Variants in CCDC88C observed in about 807,000 individuals in gnomAD.
CCDC88C encodes the protein protein Daple.
A neutral mutation model predicts 198.8 loss-of-function variants in CCDC88C; 131 were observed. That is an observed-to-expected ratio of 0.66 (90% CI 0.57 to 0.76). The LOEUF is 0.76. Among genes scored for constraint, CCDC88C ranks in the 30% least tolerant of loss-of-function variants. The pLI, the probability that CCDC88C is intolerant of heterozygous loss-of-function variation, is 0.00. For missense variants in CCDC88C, 2,553 were observed against 2,631.6 expected (o/e 0.97, Z 0.65); for synonymous variants, 1,166 against 1,114.7 (o/e 1.05, Z -0.92).
At chr14:91,307,906 A>G (rs989433604) in intron 17 of CCDC88C, among the ~76,000 whole-genome samples, 9 of 152,206 alleles carry the variant, frequency 5.9e-5, no homozygotes, top group African/African-American at 1.7e-4. Flanking sequence ...ACACATCTAT[A>G]TGTGTATGGA....
chr14:91,273,496 G>C lies in CCDC88C; in HGVS notation c.5216C>G (p.Thr1739Ser). 1 of 1,557,012 alleles carries C rather than the reference G, an allele frequency of 6.4e-7. No homozygotes were observed. Among genetic ancestry groups the C allele is most frequent in the Non-Finnish European group, 8.7e-7 (1 of 1,150,472 alleles). ...VAPTVKMAAP[T>S]SEGRPLKPGQ... ...GGGCTTCAGCGGCCTCCCCTCCGAGGTGGGGGCGGCCATTTTGACGGTGGG... is the reference window on the plus strand; with the variant it reads ...GGGCTTCAGCGGCCTCCCCTCCGAGCTGGGGGCGGCCATTTTGACGGTGGG... Residue 1739 changes from threonine (T) to serine (S), a missense_variant, in exon 30 of 30, where the codon ACC becomes AGC. This residue lies in a region of CCDC88C where 1,293 missense variants were observed against 1,219.6 expected (regional missense o/e 1.06). Coordinates refer to ENST00000389857, the MANE Select transcript of CCDC88C (RefSeq NM_001080414.4). This position sits in a 1 kb window ranked among gnomAD's most constrained non-coding sequence, Gnocchi z 5.6.
At chr14:91,412,914 A>G (rs968577266) in intron 2 of CCDC88C, among the ~76,000 whole-genome samples, 1 of 152,196 alleles carries the variant, frequency 6.6e-6, no homozygotes, top group Admixed American at 6.5e-5. Context: ...CATCTGCAAA[A>G]GGGAAACATA....
intron 3 of CCDC88C, among the ~76,000 whole-genome samples, chr14:91,364,298 C>T (rs186956423): frequency 1.6e-3 from 238 of 152,294 alleles, no homozygotes; most frequent in African/African-American, 5.6e-3. Flanking sequence ...GCACTCCTCC[C>T]CACTTCTCCT....
At chr14:91,370,793 G>A (rs1419619899) in intron 3 of CCDC88C, among the ~76,000 whole-genome samples, 1 of 152,188 alleles carries the variant, frequency 6.6e-6, no homozygotes, top group African/African-American at 2.4e-5. Context: ...GAGGGATGCT[G>A]AGAATCTGCA....
At chr14:91,376,031 C>G (rs1219145830) in intron 3 of CCDC88C, among the ~76,000 whole-genome samples, 1 of 152,172 alleles carries the variant, frequency 6.6e-6, no homozygotes, top group Non-Finnish European at 1.5e-5. Context: ...AGGCTTGAAC[C>G]CAGTCAGCCA....
At chr14:91,415,577 G>A (rs35970076) in intron 2 of CCDC88C, among the ~76,000 whole-genome samples, 20,535 of 151,964 alleles carry the variant, frequency 0.14, 1,526 homozygotes, top group Admixed American at 0.21. Flanking sequence ...AAAATTAGCC[G>A]GGCGTGGTGG....
intron 1 of CCDC88C, chr14:91,417,164 A>C: frequency 1.4e-6 from 1 of 703,132 alleles, no homozygotes; most frequent in Non-Finnish European, 2.6e-6. Context: ...CGCCCACCCC[A>C]GTCTGTTCGC....
intron 10 of CCDC88C, among the ~76,000 whole-genome samples, chr14:91,331,413 G>C (rs1190187644): frequency 6.6e-6 from 1 of 152,228 alleles, no homozygotes; most frequent in Non-Finnish European, 1.5e-5. Context: ...GGGCAGAGGA[G>C]CTGGGGCCCT....
intron 21 of CCDC88C, among the ~76,000 whole-genome samples, chr14:91,298,876 C>A (rs935555108): frequency 6.6e-6 from 1 of 152,232 alleles, no homozygotes; most frequent in Admixed American, 6.5e-5. Flanking sequence ...GAGACAGGAC[C>A]TGGATTCCAT....
In CCDC88C at chr14:91,278,011, C is replaced by A; in HGVS notation, c.4969G>T (p.Gly1657Ter). 6.3e-7 allele frequency: 1 copy of A among 1,589,720 alleles called. No individual in the cohort carries two copies. Among genetic ancestry groups the A allele is most frequent in the East Asian group, 2.3e-5 (1 of 43,498 alleles). ...GGGGAGGCCGAGCAGGGCCGCACTCCGACGTAGGGAGGGGCTGTGCCCCTC... is the reference window on the plus strand; with the variant it reads ...GGGGAGGCCGAGCAGGGCCGCACTCAGACGTAGGGAGGGGCTGTGCCCCTC... ...QKRGTAPPYV[G>*]VRPCSASPSS... The change falls in exon 29 of 30, where the codon GGA becomes TGA. Residue 1657 changes from glycine (G) to a stop codon, truncating the protein, a stop_gained. Coordinates refer to ENST00000389857, the MANE Select transcript of CCDC88C (RefSeq NM_001080414.4). LOFTEE classifies it high-confidence loss of function.
chr14:91,347,660 C>T (rs1163836539), intron 4 of CCDC88C, among the ~76,000 whole-genome samples: 13 of 151,968 alleles, frequency 8.6e-5, no homozygotes, highest in African/African-American at 2.4e-4. Context: ...GTTAGAATGG[C>T]GATCATTAAA....
At chr14:91,312,682 C>G (rs1224991848) in intron 15 of CCDC88C, among the ~76,000 whole-genome samples, 1 of 151,680 alleles carries the variant, frequency 6.6e-6, no homozygotes, top group Non-Finnish European at 1.5e-5. Flanking sequence ...GACTCCGTCT[C>G]AAAAATAAAT....
chr14:91,339,137 G>T lies in CCDC88C; in HGVS notation c.809+141C>A. 1.0e-6 allele frequency: 1 copy of T among 991,148 alleles called. No homozygotes were observed. Among genetic ancestry groups the T allele is most frequent in the Non-Finnish European group, 1.5e-6 (1 of 645,580 alleles). 61.4% of individuals were successfully genotyped at this position (991,148 alleles called of 1,614,324 possible). A position where few individuals can be genotyped will look rare whatever the true frequency, so the allele number is the denominator to read the frequency against. ...GAGGCAGCTAGTCCGAGGTCAAAGA[G>T]TAAGCTCAGGGCAGACCCCAGCTGA... is the stretch of plus-strand genomic sequence containing the variant. On this transcript the variant is annotated intron_variant, in intron 8 of 29. Transcript: ENST00000389857. The surrounding 1 kb of genome is among the most constrained non-coding windows in gnomAD (Gnocchi z 5.8).
At chr14:91,370,496 T>C (rs1400307439) in intron 3 of CCDC88C, among the ~76,000 whole-genome samples, 1 of 152,162 alleles carries the variant, frequency 6.6e-6, no homozygotes, top group African/African-American at 2.4e-5. Flanking sequence ...ACCTGTCTTA[T>C]CTGATGCCAG....
Position 91,288,248 on chromosome 14 carries a change from A to G in CCDC88C, c.4441+857T>C, listed in dbSNP as rs545498727. 6.6e-6 allele frequency among the ~76,000 whole-genome samples: 1 copy of G among 152,330 alleles called. No homozygotes were observed. Among genetic ancestry groups the G allele is most frequent in the East Asian group, 1.9e-4 (1 of 5,188 alleles). On this transcript the variant is annotated intron_variant, in intron 25 of 29. Transcript: ENST00000389857. The surrounding 1 kb of genome is among the most constrained non-coding windows in gnomAD (Gnocchi z 4.2). ...TTGATGAAATACAGCATACATGATG[A>G]GAAATCCTGTTCTTGTTTCAGAACC...
chr14:91,347,110 A>G (rs1567090655), intron 4 of CCDC88C, among the ~76,000 whole-genome samples: 1 of 151,986 alleles, frequency 6.6e-6, no homozygotes, highest in Non-Finnish European at 1.5e-5. Flanking sequence ...GTCTTCCTAC[A>G]ATGAGACTCA....
intron 13 of CCDC88C, among the ~76,000 whole-genome samples, chr14:91,317,653 G>C (rs1441568499): frequency 6.6e-6 from 1 of 152,218 alleles, no homozygotes; most frequent in Non-Finnish European, 1.5e-5. Context: ...CGAGAGGGAG[G>C]AGAGAGCTCC....
Position 91,273,364 on chromosome 14 carries a change from C to A in CCDC88C, c.5348G>T (p.Arg1783Leu), listed in dbSNP as rs891563815. The A allele has an allele frequency of 7.2e-6, 11 of 1,533,252 alleles. No homozygotes were observed. The African/African-American group carries it at 1.2e-4, about 17-fold the overall frequency. 95.0% of individuals were successfully genotyped at this position (1,533,252 alleles called of 1,614,324 possible). The change falls in exon 30 of 30, where the codon CGG (arginine) becomes CTG (leucine). Residue 1783 changes from arginine (R) to leucine (L), a missense_variant. By Grantham distance (102) the Arg-to-Leu change is moderately radical. Coordinates refer to ENST00000389857, the MANE Select transcript of CCDC88C (RefSeq NM_001080414.4). This position sits in a 1 kb window ranked among gnomAD's most constrained non-coding sequence, Gnocchi z 5.6. ...PPQSLSLGRP[R>L]QAPVPPASHA... is the part of the protein sequence containing the mutation. ...GGAAGCTGGGGGCACCGGAGCCTGC[C>A]GGGGTCTGCCCAGAGACAGGCTCTG... is the stretch of plus-strand genomic sequence containing the variant.
intron 3 of CCDC88C, among the ~76,000 whole-genome samples, chr14:91,383,372 AC>A (rs1041947747): frequency 2.0e-5 from 3 of 152,116 alleles, no homozygotes; most frequent in Non-Finnish European, 2.9e-5. Context: ...CCCAAGAAAG[AC>A]TGTCGTTGTT....
Sources: gnomAD v4.1 joint callset for allele counts (sites outside exome capture counted in the v4.1 genomes callset) on GRCh38, gnomAD v4.1.1 for gene constraint, gnomAD v4.1.1 regional missense constraint, Gnocchi (gnomAD v3.1) non-coding constraint, MANE v1.5 for transcripts, NCBI Gene and HGNC (gene_info 2026-07-23, HGNC 2026-07-21) for gene names.